RSRC1: variants seen among roughly 807,000 people sequenced by gnomAD.
RSRC1 encodes serine/Arginine-related protein 53.
RSRC1 carries 39 observed loss-of-function variants against 49.1 expected under a neutral mutation model. The observed-to-expected ratio is 0.79, with a 90% CI of 0.61 to 1.04. The LOEUF (loss-of-function observed/expected upper bound fraction) is 1.04, where lower values mean the gene tolerates loss of function less well. Ranked by LOEUF, RSRC1 falls within the 50% of genes least tolerant of loss-of-function variation. RSRC1 has a pLI of 0.00. For synonymous variants in RSRC1, 143 were observed against 130.8 expected (o/e 1.09, Z -0.63); for missense variants, 388 against 402.4 (o/e 0.96, Z 0.31).
chr3:158,133,964 T>G (rs1716197452), intron 3 of RSRC1, among the ~76,000 whole-genome samples: 1 of 151,952 alleles, frequency 6.6e-6, no homozygotes, highest in Non-Finnish European at 1.5e-5. Context: ...AAATCAAAAG[T>G]GGATTGAGTG....
chr3:158,469,778 C>T (rs1226648919), intron 7 of RSRC1: 2 of 151,994 alleles, frequency 1.3e-5, no homozygotes, highest in African/African-American at 4.8e-5. Flanking sequence ...ATGACTTAGC[C>T]GAAGTAAAAC....
At chr3:158,505,915 G>A (rs559906375) in intron 7 of RSRC1, among the ~76,000 whole-genome samples, 1 of 152,220 alleles carries the variant, frequency 6.6e-6, no homozygotes, top group South Asian at 2.1e-4. Flanking sequence ...GTAGGAAAAT[G>A]ATGTGCACCA....
chr3:158,273,584 T>G (rs1725640144), intron 4 of RSRC1, among the ~76,000 whole-genome samples: 2 of 152,136 alleles, frequency 1.3e-5, no homozygotes, highest in Non-Finnish European at 2.9e-5. Flanking sequence ...TTTCCTGTAA[T>G]ACGAAGTCTA....
intron 6 of RSRC1, among the ~76,000 whole-genome samples, chr3:158,408,902 T>G (rs1462916928): frequency 6.6e-6 from 1 of 151,910 alleles, no homozygotes; most frequent in Non-Finnish European, 1.5e-5. Flanking sequence ...ACATGGTGGC[T>G]CAGGCTTGTA....
At chr3:158,126,874 T>C (rs568771976) in intron 3 of RSRC1, among the ~76,000 whole-genome samples, 1 of 150,720 alleles carries the variant, frequency 6.6e-6, no homozygotes, top group Admixed American at 6.6e-5. Context: ...TGACAGGGTT[T>C]TTTTTGTTTT....
chr3:158,406,093 A>C (rs566684238), intron 6 of RSRC1, among the ~76,000 whole-genome samples: 49 of 152,220 alleles, frequency 3.2e-4, no homozygotes, highest in African/African-American at 1.2e-3. Flanking sequence ...AAACAGAAGA[A>C]GACATTTTGA....
intron 5 of RSRC1, among the ~76,000 whole-genome samples, chr3:158,310,526 G>A (rs1182637837): frequency 6.6e-6 from 1 of 151,682 alleles, no homozygotes; most frequent in East Asian, 1.9e-4. Context: ...TAGCTTTTGT[G>A]TGTTACCTTT....
At chr3:158,462,295 C>T (rs1288002925) in intron 7 of RSRC1, among the ~76,000 whole-genome samples, 1 of 151,846 alleles carries the variant, frequency 6.6e-6, no homozygotes, top group Non-Finnish European at 1.5e-5. Flanking sequence ...ATAGTACAAA[C>T]AGACATAAGA....
intron 7 of RSRC1, among the ~76,000 whole-genome samples, chr3:158,499,276 C>T (rs1240084109): frequency 2.0e-5 from 3 of 152,094 alleles, no homozygotes; most frequent in African/African-American, 7.2e-5. Flanking sequence ...ACTCGGGAGG[C>T]TGAGGCAGGA....
At chr3:158,168,811 C>A (rs1197123802) in intron 3 of RSRC1, among the ~76,000 whole-genome samples, 1 of 151,964 alleles carries the variant, frequency 6.6e-6, no homozygotes, top group East Asian at 1.9e-4. Flanking sequence ...TGCTTAAAAC[C>A]ATTTTGGGGT....
intron 6 of RSRC1, among the ~76,000 whole-genome samples, chr3:158,441,978 T>C (rs1242983290): frequency 6.6e-6 from 1 of 152,166 alleles, no homozygotes; most frequent in Non-Finnish European, 1.5e-5. Flanking sequence ...TTGATTTCCC[T>C]ACCAGTGCAT....
chr3:158,271,362 A>G (rs1725507894), intron 4 of RSRC1, among the ~76,000 whole-genome samples: 2 of 152,106 alleles, frequency 1.3e-5, no homozygotes, highest in South Asian at 2.1e-4. Context: ...CTTGAATAAT[A>G]AGTTGTGATT....
intron 4 of RSRC1, among the ~76,000 whole-genome samples, chr3:158,244,889 C>T (rs1723797145): frequency 6.6e-6 from 1 of 151,880 alleles, no homozygotes. Context: ...TCCATTCTTC[C>T]AGATTTTCTC....
At chr3:158,276,809 T>G (rs1428628259) in intron 4 of RSRC1, among the ~76,000 whole-genome samples, 1 of 152,212 alleles carries the variant, frequency 6.6e-6, no homozygotes, top group Non-Finnish European at 1.5e-5. Context: ...ATTTGGATTT[T>G]GAAATGCTAT....
chr3:158,384,057 A>T (rs995428622), intron 6 of RSRC1, among the ~76,000 whole-genome samples: 111 of 152,182 alleles, frequency 7.3e-4, no homozygotes, highest in African/African-American at 2.6e-3. Flanking sequence ...GAAGTAGCCT[A>T]CTCTTTGTAG....
At chr3:158,382,298 T>C (rs1171930944) in intron 6 of RSRC1, among the ~76,000 whole-genome samples, 3 of 152,170 alleles carry the variant, frequency 2.0e-5, no homozygotes, top group African/African-American at 7.2e-5. Context: ...GAGGCTGTTT[T>C]ACAGTTAACT....
At chr3:158,535,521 C>CAATG (rs55693309) in intron 7 of RSRC1, among the ~76,000 whole-genome samples, 88,250 of 150,464 alleles carry the variant, frequency 0.59, 26,421 homozygotes, top group African/African-American at 0.7. Flanking sequence ...AATTCAGTAA[C>CAATG]AATACCCCTA....
At chr3:158,129,491 A>T (rs1459635549) in intron 3 of RSRC1, among the ~76,000 whole-genome samples, 1 of 151,870 alleles carries the variant, frequency 6.6e-6, no homozygotes, top group Non-Finnish European at 1.5e-5. Flanking sequence ...GGGTTTCACC[A>T]TGTTGGCCAG....
chr3:158,366,714 C>T (rs1271938631), intron 6 of RSRC1, among the ~76,000 whole-genome samples: 4 of 152,088 alleles, frequency 2.6e-5, no homozygotes, highest in African/African-American at 9.7e-5. Context: ...ATGGGGATAG[C>T]ATTGAATCTA....
Sources: gnomAD v4.1 joint callset for allele counts (sites outside exome capture counted in the v4.1 genomes callset) on GRCh38, gnomAD v4.1.1 for gene constraint, MANE v1.5 for transcripts, NCBI Gene and HGNC (gene_info 2026-07-23, HGNC 2026-07-21) for gene names.